MAP3K14: variants seen among roughly 807,000 people sequenced by gnomAD.
MAP3K14 encodes mitogen-activated protein kinase kinase kinase 14.
Under a neutral mutation model 99.2 loss-of-function variants are expected in MAP3K14, and 16 were observed. The ratio of observed to expected loss-of-function variants is 0.16; its 90% CI spans 0.11 to 0.24. The LOEUF (loss-of-function observed/expected upper bound fraction) is 0.24. Ranked by LOEUF, MAP3K14 falls within the 10% of genes least tolerant of loss-of-function variation. The pLI is 1.00. For synonymous variants in MAP3K14, 462 were observed against 492.4 expected (o/e 0.94, Z 0.82); for missense variants, 784 against 1,208.7 (o/e 0.65, Z 5.21).
At position 45,277,153 on chromosome 17, in the gene MAP3K14, A is replaced by C. The variant is rs369178818; in HGVS notation, c.1291-2560T>G. 6.7e-4 allele frequency among the ~76,000 whole-genome samples: 102 copies of C among 151,724 alleles called. 4 individuals are homozygous for C. In the South Asian group the frequency reaches 0.021, roughly 31 times the overall value. On this transcript the variant is annotated intron_variant, in intron 6 of 15. Coordinates refer to ENST00000344686, the MANE Select transcript of MAP3K14 (RefSeq NM_003954.5). Reference sequence around the variant, plus strand: ...TCTTAGGCTTCTTCTTCTTTTTTTTAATTTTATTTATTATTATACTTTAAG... The same window carrying C: ...TCTTAGGCTTCTTCTTCTTTTTTTTCATTTTATTTATTATTATACTTTAAG...
At chr17:45,297,125 T>C (rs959477045) in intron 1 of MAP3K14, among the ~76,000 whole-genome samples, 2 of 152,220 alleles carry the variant, frequency 1.3e-5, no homozygotes, top group Non-Finnish European at 2.9e-5. Context: ...GCTCAATTTA[T>C]ACAGTTAGAG....
intron 6 of MAP3K14, among the ~76,000 whole-genome samples, chr17:45,284,506 C>T (rs2044248562): frequency 6.6e-6 from 1 of 152,224 alleles, no homozygotes; most frequent in Non-Finnish European, 1.5e-5. Flanking sequence ...TTTCATGACG[C>T]TCCAACCATC....
In MAP3K14 at chr17:45,267,067, G is replaced by A; in HGVS notation, c.2433+25C>T. The stretch of plus-strand genomic sequence containing the variant: ...GGGAAAACCACACCCCTGGAGCCAT[G>A]GCTCCGGGGCCACAACCGACTCACC... On this transcript the variant is annotated intron_variant, in intron 13 of 15. Coordinates refer to ENST00000344686, the MANE Select transcript of MAP3K14 (RefSeq NM_003954.5). The surrounding 1 kb of genome is among the most constrained non-coding windows in gnomAD (Gnocchi z 5.1). The A allele has an allele frequency of 6.5e-7, 1 of 1,529,802 alleles. No individual in the cohort carries two copies. The highest frequency in any genetic ancestry group is 1.8e-4 in the Middle Eastern group (1 of 5,448). The allele number at this position is 1,529,802 out of a possible 1,614,324, so 94.8% of individuals were successfully genotyped here. A position where few individuals can be genotyped will look rare whatever the true frequency, so the allele number is the denominator to read the frequency against.
chr17:45,289,414 T>C, intron 2 of MAP3K14, 109 bp from the exon 3 acceptor site: 2 of 823,644 alleles, frequency 2.4e-6, no homozygotes, highest in Non-Finnish European at 4.1e-6. Context: ...TTCCCCTCCT[T>C]TCCAGACAAC....
chr17:45,292,187 C>T (rs570233058), intron 1 of MAP3K14, among the ~76,000 whole-genome samples: 38 of 152,356 alleles, frequency 2.5e-4, no homozygotes, highest in Non-Finnish European at 4.4e-4. Context: ...CTCCAGCTTC[C>T]TGCAAGGATG....
chr17:45,289,194 C>G, intron 3 of MAP3K14, 42 bp downstream of exon 3: 2 of 1,587,746 alleles, frequency 1.3e-6, no homozygotes, highest in Admixed American at 1.7e-5. Context: ...GGCGCTGGGT[C>G]CAGTCCCCAC....
At chr17:45,270,092 T>C (rs910585372) in intron 11 of MAP3K14, among the ~76,000 whole-genome samples, 1 of 152,110 alleles carries the variant, frequency 6.6e-6, no homozygotes, top group Non-Finnish European at 1.5e-5. Context: ...GCAGAACTGA[T>C]TGCTGGCTTG....
intron 6 of MAP3K14, among the ~76,000 whole-genome samples, chr17:45,280,012 C>T (rs1009846277): frequency 4.6e-5 from 7 of 152,206 alleles, no homozygotes; most frequent in Non-Finnish European, 8.8e-5. Context: ...AACTCGGGTT[C>T]CTTCAGGTCA....
At chr17:45,293,266 G>C (rs999489430) in intron 1 of MAP3K14, among the ~76,000 whole-genome samples, 1 of 152,218 alleles carries the variant, frequency 6.6e-6, no homozygotes, top group African/African-American at 2.4e-5. Context: ...GTGGCTATTA[G>C]AGATCTGGCT....
intron 8 of MAP3K14, 118 bp from the exon 9 acceptor site, chr17:45,273,725 A>T: frequency 1.3e-6 from 1 of 761,474 alleles, no homozygotes; most frequent in Non-Finnish European, 2.3e-6. Flanking sequence ...CCTACGTGGC[A>T]GCTGCTGCTT....
intron 1 of MAP3K14, among the ~76,000 whole-genome samples, chr17:45,294,526 A>G (rs1238363426): frequency 6.6e-6 from 1 of 152,214 alleles, no homozygotes; most frequent in African/African-American, 2.4e-5. Flanking sequence ...GCCATTCCCC[A>G]GAAGGTTCCT....
In MAP3K14 at chr17:45,290,768, G is replaced by A; in HGVS notation, c.-20-3C>T. On this transcript the variant is annotated splice_polypyrimidine_tract_variant and splice_region_variant and intron_variant, in intron 1 of 15. Coordinates refer to ENST00000344686, the MANE Select transcript of MAP3K14 (RefSeq NM_003954.5). ...CATCTCCCAGGCTTGTGCTCATCCT[G>A]AGAGAGACCAAACACAGAGCAGGTC... is the stretch of plus-strand genomic sequence containing the variant. 6.2e-7 allele frequency: 1 copy of A among 1,607,918 alleles called. No individual in the cohort carries two copies. The highest frequency in any genetic ancestry group is 8.5e-7 in the Non-Finnish European group (1 of 1,175,522).
chr17:45,307,723 G>T (rs1001675900), intron 1 of MAP3K14, among the ~76,000 whole-genome samples: 2 of 152,212 alleles, frequency 1.3e-5, no homozygotes, highest in African/African-American at 4.8e-5. Context: ...AGAAAGACAG[G>T]CTCAGGCTCC....
intron 5 of MAP3K14, among the ~76,000 whole-genome samples, chr17:45,285,803 A>G (rs952702563): frequency 3.3e-5 from 5 of 151,386 alleles, no homozygotes; most frequent in Admixed American, 3.3e-4. Context: ...TAAAAAAAAT[A>G]TAGCTGGGCG....
rs1210593564 is a variant in MAP3K14 at position 45,270,476 on chromosome 17, C to T, written c.1909G>A (p.Glu637Lys). 6.2e-7 allele frequency: 1 copy of T among 1,611,618 alleles called. No individual in the cohort carries two copies. Reference sequence around the variant, plus strand: ...GCTGCAGACACGCGGTGGATGGGCTCTTTCCTCAGCCCCTCTTGGATGGCC... The same window carrying T: ...GCTGCAGACACGCGGTGGATGGGCTTTTTCCTCAGCCCCTCTTGGATGGCC... ...AQAIQEGLRKEPIHRVSAAEL... is the reference protein window; with the variant it reads ...AQAIQEGLRKKPIHRVSAAEL... Residue 637 changes from glutamate to lysine, a missense_variant, in exon 11 of 16, where the codon GAG (glutamate) becomes AAG (lysine). Physicochemically the swap from Glu to Lys is moderately conservative, Grantham distance 56. Around this residue, in one of 5 missense-constraint regions of MAP3K14, gnomAD observed 200 missense variants for 367.9 expected, o/e 0.54. Coordinates refer to ENST00000344686, the MANE Select transcript of MAP3K14 (RefSeq NM_003954.5).
intron 6 of MAP3K14, among the ~76,000 whole-genome samples, chr17:45,282,994 G>A (rs772520715): frequency 2.0e-5 from 3 of 152,236 alleles, no homozygotes; most frequent in Non-Finnish European, 4.4e-5. Flanking sequence ...GGCTTGAGCT[G>A]CAGCTCTGGT....
At chr17:45,311,384 C>G (rs1013879253) in intron 1 of MAP3K14, among the ~76,000 whole-genome samples, 10 of 152,196 alleles carry the variant, frequency 6.6e-5, no homozygotes, top group Non-Finnish European at 1.0e-4. Context: ...TAAAGTCAAG[C>G]CCTCCTTGTA....
intron 1 of MAP3K14, among the ~76,000 whole-genome samples, chr17:45,291,546 A>C (rs1316935582): frequency 6.6e-6 from 1 of 152,204 alleles, no homozygotes; most frequent in African/African-American, 2.4e-5. Flanking sequence ...ATAAAGAATA[A>C]AGCATAAGAA....
rs1158670981 is a variant in MAP3K14, at chr17:45,272,214, T to C, written c.1658-993A>G. Reference sequence around the variant, plus strand: ...TGGTGGTACATGCTGTGGTCCCAGCTACTCAGGAGGCTGAGGTGGGAGGAT... The same window carrying C: ...TGGTGGTACATGCTGTGGTCCCAGCCACTCAGGAGGCTGAGGTGGGAGGAT... On this transcript the variant is annotated intron_variant, in intron 9 of 15. Transcript: ENST00000344686. This position sits in a 1 kb window ranked among gnomAD's most constrained non-coding sequence, Gnocchi z 4.1. Among the ~76,000 whole-genome samples the C allele has an allele frequency of 6.6e-6, 1 of 152,056 alleles. No individual in the cohort carries two copies. The highest frequency in any genetic ancestry group is 1.5e-5 in the Non-Finnish European group (1 of 68,008).
Sources: allele counts gnomAD v4.1 joint callset (sites outside exome capture counted in the v4.1 genomes callset), GRCh38; gene constraint gnomAD v4.1.1; regional missense constraint gnomAD v4.1.1; non-coding constraint Gnocchi (gnomAD v3.1); transcripts MANE v1.5; gene names NCBI Gene and HGNC (gene_info 2026-07-23, HGNC 2026-07-21).